The following PPP1R9A variants were observed in gnomAD, a reference collection of about 807,000 sequenced individuals.
PPP1R9A encodes the protein protein phosphatase 1 regulatory subunit 9A.
A neutral mutation model predicts 141.9 loss-of-function variants in PPP1R9A; 59 were observed. That is an observed-to-expected ratio of 0.42 (90% CI 0.34 to 0.52). The LOEUF (loss-of-function observed/expected upper bound fraction) is 0.52, where lower values mean the gene tolerates loss of function less well. Ranked by LOEUF, PPP1R9A falls within the 20% of genes least tolerant of loss-of-function variation. The pLI, the probability that PPP1R9A is intolerant of heterozygous loss-of-function variation, is 0.10. For synonymous variants in PPP1R9A, 500 were observed against 569.7 expected (o/e 0.88, Z 1.74); for missense variants, 1,444 against 1,611.9 (o/e 0.90, Z 1.78).
chr7:95,005,203 A>T (rs978344673), intron 2 of PPP1R9A, among the ~76,000 whole-genome samples: 1 of 151,800 alleles, frequency 6.6e-6, no homozygotes, highest in African/African-American at 2.4e-5. Context: ...TAATTTTTTC[A>T]TTTTTTCCAC....
intron 8 of PPP1R9A, among the ~76,000 whole-genome samples, chr7:95,236,929 G>GT (rs925844421): frequency 4.0e-5 from 6 of 149,176 alleles, no homozygotes; most frequent in East Asian, 2.0e-4. Flanking sequence ...ATGATATAGT[G>GT]TTTTTTTTCA....
chr7:95,254,335 T>C (rs1389319584), intron 12 of PPP1R9A, among the ~76,000 whole-genome samples: 1 of 152,216 alleles, frequency 6.6e-6, no homozygotes, highest in Non-Finnish European at 1.5e-5. Context: ...AGTAGCTAGA[T>C]AGGAATGCTC....
At chr7:95,073,677 A>G (rs1435056129) in intron 2 of PPP1R9A, among the ~76,000 whole-genome samples, 1 of 132,462 alleles carries the variant, frequency 7.5e-6, no homozygotes, top group Non-Finnish European at 1.5e-5. Context: ...AGAACTAATG[A>G]TAAATATTCT....
At chr7:95,104,579 T>A (rs530358230) in intron 2 of PPP1R9A, among the ~76,000 whole-genome samples, 1 of 152,278 alleles carries the variant, frequency 6.6e-6, no homozygotes, top group East Asian at 1.9e-4. Flanking sequence ...TACCCTAAAT[T>A]GTCTGATGAT....
At chr7:94,940,295 TA>T (rs1218493872) in intron 2 of PPP1R9A, among the ~76,000 whole-genome samples, 3 of 152,068 alleles carry the variant, frequency 2.0e-5, no homozygotes, top group Non-Finnish European at 4.4e-5. Flanking sequence ...CCATCTCTCA[TA>T]TTTTTTTTCC....
chr7:95,193,472 CTG>C, intron 5 of PPP1R9A, among the ~76,000 whole-genome samples: 1 of 151,984 alleles, frequency 6.6e-6, no homozygotes, highest in Non-Finnish European at 1.5e-5. Flanking sequence ...TTTTGAGCAA[CTG>C]TGCCTTCATG....
intron 7 of PPP1R9A, among the ~76,000 whole-genome samples, chr7:95,217,207 C>T (rs1177941188): frequency 6.6e-6 from 1 of 152,148 alleles, no homozygotes; most frequent in Non-Finnish European, 1.5e-5. Flanking sequence ...AAGGCCTTTT[C>T]TGCATCTATT....
At chr7:94,953,404 C>A (rs1796702058) in intron 2 of PPP1R9A, among the ~76,000 whole-genome samples, 1 of 152,126 alleles carries the variant, frequency 6.6e-6, no homozygotes, top group African/African-American at 2.4e-5. Context: ...ATGCCTCCAG[C>A]TTTGTTCTTT....
At position 94,910,248 on chromosome 7, in the gene PPP1R9A, A is replaced by G; in HGVS notation, c.135A>G (p.Thr45=). The G allele has an allele frequency of 6.2e-7, 1 of 1,614,130 alleles. No individual in the cohort carries two copies. Among genetic ancestry groups the G allele is most frequent in the Non-Finnish European group, 8.5e-7 (1 of 1,180,030 alleles). The part of the protein sequence containing the change: ...DKPKSDGEQK[T]KEGEGSQQSR... ...CCAAGTCAGATGGGGAACAAAAAAC[A>G]AAAGAAGGTGAGGGCTCCCAGCAGA... The change falls in exon 2 of 20, where the codon ACA becomes ACG. Residue 45 remains threonine, a synonymous_variant. Coordinates refer to ENST00000433360, the MANE Select transcript of PPP1R9A (RefSeq NM_001166160.2). The surrounding 1 kb of genome is among the most constrained non-coding windows in gnomAD (Gnocchi z 4.5).
chr7:95,086,931 C>G (rs889129005), intron 2 of PPP1R9A, among the ~76,000 whole-genome samples: 1 of 151,816 alleles, frequency 6.6e-6, no homozygotes, highest in African/African-American at 2.4e-5. Flanking sequence ...ACCTGTAATC[C>G]TAGCACTTTG....
At chr7:94,960,169 C>CTTTT (rs545105548) in intron 2 of PPP1R9A, among the ~76,000 whole-genome samples, 1 of 139,530 alleles carries the variant, frequency 7.2e-6, no homozygotes, top group Non-Finnish European at 1.6e-5. Context: ...CTCTCTCTCT[C>CTTTT]TTTTTTTTTT....
chr7:95,100,973 C>G (rs1011370934), intron 2 of PPP1R9A, among the ~76,000 whole-genome samples: 5 of 150,130 alleles, frequency 3.3e-5, no homozygotes, highest in Admixed American at 6.7e-5. Flanking sequence ...CTGCCTCAGC[C>G]TCCCGAGTAG....
chr7:95,161,623 T>C (rs1830474723), intron 4 of PPP1R9A, among the ~76,000 whole-genome samples: 1 of 152,226 alleles, frequency 6.6e-6, no homozygotes, highest in Non-Finnish European at 1.5e-5. Context: ...TTTTACTTTG[T>C]ACTTTTTATT....
chr7:95,159,385 G>A (rs114972161), intron 4 of PPP1R9A, among the ~76,000 whole-genome samples: 1,559 of 152,146 alleles, frequency 0.01, 22 homozygotes, highest in African/African-American at 0.036. Context: ...CAAAAAATCC[G>A]TAGAAAGGTC....
intron 2 of PPP1R9A, among the ~76,000 whole-genome samples, chr7:95,027,525 A>G (rs1807044914): frequency 6.6e-6 from 1 of 152,132 alleles, no homozygotes; most frequent in Non-Finnish European, 1.5e-5. Flanking sequence ...AGCTGTTCCT[A>G]TTCAGCTATC....
chr7:95,107,181 A>G (rs1359451441), intron 2 of PPP1R9A, among the ~76,000 whole-genome samples: 1 of 152,170 alleles, frequency 6.6e-6, no homozygotes, highest in East Asian at 1.9e-4. Flanking sequence ...AAAGCTGAAC[A>G]TCTTTATATC....
At chr7:95,212,735 A>G (rs1262314711) in intron 7 of PPP1R9A, among the ~76,000 whole-genome samples, 1 of 152,134 alleles carries the variant, frequency 6.6e-6, no homozygotes, top group East Asian at 1.9e-4. Context: ...AGTCTATGTA[A>G]TTATTGATCC....
intron 2 of PPP1R9A, among the ~76,000 whole-genome samples, chr7:95,021,317 G>GC (rs1554468502): frequency 6.9e-6 from 1 of 144,918 alleles, no homozygotes; most frequent in African/African-American, 2.5e-5. Flanking sequence ...GATGGGGTTG[G>GC]TTTTTTTTTT....
chr7:95,151,265 G>A (rs115432540), intron 4 of PPP1R9A, among the ~76,000 whole-genome samples: 1 of 152,194 alleles, frequency 6.6e-6, no homozygotes, highest in African/African-American at 2.4e-5. Flanking sequence ...AAGTGTGGTA[G>A]ATCCAGACAT....
Sources: allele counts gnomAD v4.1 joint callset (sites outside exome capture counted in the v4.1 genomes callset), GRCh38; gene constraint gnomAD v4.1.1; non-coding constraint Gnocchi (gnomAD v3.1); transcripts MANE v1.5; gene names NCBI Gene and HGNC (gene_info 2026-07-23, HGNC 2026-07-21).